The following ERGIC1 variants were observed in gnomAD, a reference collection of about 807,000 sequenced individuals.
ERGIC1 encodes the protein endoplasmic reticulum-Golgi intermediate compartment protein 1.
ERGIC1 carries 19 observed loss-of-function variants against 38.3 expected under a neutral mutation model. That is an observed-to-expected ratio of 0.50 (90% CI 0.35 to 0.73). ERGIC1 has a LOEUF of 0.73. Ranked by LOEUF, ERGIC1 falls within the 30% of genes least tolerant of loss-of-function variation. The pLI is 0.01. For missense variants in ERGIC1, 294 were observed against 389.2 expected, an observed-to-expected ratio of 0.76 and a Z score of 2.06; for synonymous variants, 124 against 157.6, an observed-to-expected ratio of 0.79 and a Z score of 1.60.
chr5:172,873,857 C>A (rs1449989966), intron 1 of ERGIC1, among the ~76,000 whole-genome samples: 1 of 152,214 alleles, frequency 6.6e-6, no homozygotes, highest in Non-Finnish European at 1.5e-5. Flanking sequence ...AAATGCCAGT[C>A]CCCTTTCCCG....
At chr5:172,836,158 G>T (rs1761031427) in intron 1 of ERGIC1, among the ~76,000 whole-genome samples, 1 of 152,198 alleles carries the variant, frequency 6.6e-6, no homozygotes, top group South Asian at 2.1e-4. Context: ...CCTTATCTTG[G>T]ACTTTATGGG....
intron 9 of ERGIC1, among the ~76,000 whole-genome samples, chr5:172,944,126 G>A (rs1764068752): frequency 6.6e-6 from 1 of 152,220 alleles, no homozygotes; most frequent in South Asian, 2.1e-4. Flanking sequence ...AATTGTCCTT[G>A]TTTTTGTTTC....
chr5:172,874,542 C>G (rs928044539), intron 1 of ERGIC1, among the ~76,000 whole-genome samples: 1 of 152,160 alleles, frequency 6.6e-6, no homozygotes, highest in African/African-American at 2.4e-5. Flanking sequence ...AGATGGGGTT[C>G]CAGCTCTCTG....
chr5:172,942,746 G>C (rs924716350), intron 9 of ERGIC1, among the ~76,000 whole-genome samples: 10 of 152,208 alleles, frequency 6.6e-5, no homozygotes, highest in Admixed American at 1.3e-4. Context: ...CTCCTGGCGC[G>C]TGCGTTCCCA....
At chr5:172,900,726 A>ACC (rs5873344) in intron 3 of ERGIC1, among the ~76,000 whole-genome samples, 2 of 149,122 alleles carry the variant, frequency 1.3e-5, no homozygotes, top group Non-Finnish European at 1.5e-5. Context: ...AAAAAACAAA[A>ACC]AAAAACATGA....
intron 1 of ERGIC1, among the ~76,000 whole-genome samples, chr5:172,867,812 A>G (rs1204104892): frequency 6.6e-6 from 1 of 152,208 alleles, no homozygotes. Flanking sequence ...CTTCACAGTG[A>G]GCAGTTGACC....
intron 8 of ERGIC1, chr5:172,934,950 C>T (rs1029193157): frequency 7.4e-6 from 4 of 543,862 alleles, no homozygotes; most frequent in South Asian, 4.7e-5. Flanking sequence ...GTGCTGCTTG[C>T]AGCTCACTTG....
At chr5:172,885,191 A>G (rs563778521) in intron 1 of ERGIC1, among the ~76,000 whole-genome samples, 4 of 152,158 alleles carry the variant, frequency 2.6e-5, no homozygotes, top group African/African-American at 9.6e-5. Flanking sequence ...GTACATTGGC[A>G]CCATCTTAGC....
At chr5:172,931,857 CT>C (rs375589121) in intron 7 of ERGIC1, among the ~76,000 whole-genome samples, 2,385 of 123,014 alleles carry the variant, frequency 0.019, 21 homozygotes, top group South Asian at 0.046. Context: ...AGCACCCACA[CT>C]TTTTTTTTTT....
At chr5:172,852,525 GC>G (rs1186547760) in intron 1 of ERGIC1, among the ~76,000 whole-genome samples, 4 of 152,204 alleles carry the variant, frequency 2.6e-5, no homozygotes, top group Non-Finnish European at 5.9e-5. Context: ...GATCTCCAGA[GC>G]CCCTCATAGG....
intron 1 of ERGIC1, among the ~76,000 whole-genome samples, chr5:172,867,819 G>C (rs1209975167): frequency 6.6e-6 from 1 of 152,220 alleles, no homozygotes; most frequent in East Asian, 1.9e-4. Context: ...GTGAGCAGTT[G>C]ACCTTTTTTG....
intron 1 of ERGIC1, among the ~76,000 whole-genome samples, chr5:172,859,774 A>C (rs1761650934): frequency 6.6e-6 from 1 of 152,230 alleles, no homozygotes; most frequent in African/African-American, 2.4e-5. Flanking sequence ...AGCTGTACAC[A>C]GTGGCCTTGG....
Position 172,834,579 on chromosome 5 carries a change from A to ACCC in ERGIC1, c.20+146_20+147insCCC. The ACCC allele has an allele frequency of 1.8e-6, 1 of 542,224 alleles. No homozygotes were observed. Among genetic ancestry groups the ACCC allele is most frequent in the Non-Finnish European group, 2.3e-6 (1 of 434,570 alleles). The allele number at this position is 542,224 out of a possible 1,614,324, so 33.6% of individuals were successfully genotyped here. A position where few individuals can be genotyped will look rare whatever the true frequency, so the allele number is the denominator to read the frequency against. On this transcript the variant is annotated intron_variant, in intron 1 of 9. Transcript: ENST00000393784. The surrounding 1 kb of genome is among the most constrained non-coding windows in gnomAD (Gnocchi z 4.1). ...CGCAGGCCCCTAGGGACCCCAGGCG[A>ACCC]GCCCCCCCCCTGCCGCACACGAAGC... is the stretch of plus-strand genomic sequence containing the variant.
At chr5:172,886,194 C>T (rs1035951748) in intron 1 of ERGIC1, among the ~76,000 whole-genome samples, 8 of 152,124 alleles carry the variant, frequency 5.3e-5, no homozygotes, top group African/African-American at 1.7e-4. Context: ...CCTCCAGCCC[C>T]GCCCCAGTTT....
In ERGIC1 at chr5:172,869,175, A is replaced by T. The variant is rs1158971027; in HGVS notation, c.21-19524A>T. The stretch of plus-strand genomic sequence containing the variant: ...GCATGCCAGGGCTCTGCCAGTGTAT[A>T]GACAGATCTTCCCCCCTGGGGAGGA... On this transcript the variant is annotated intron_variant, in intron 1 of 9. Transcript: ENST00000393784. Among the ~76,000 whole-genome samples, 7 of 152,238 alleles carry T rather than the reference A, an allele frequency of 4.6e-5. No individual in the cohort carries two copies. The South Asian group carries it at 1.4e-3, about 32-fold the overall frequency.
intron 1 of ERGIC1, among the ~76,000 whole-genome samples, chr5:172,872,135 C>T (rs951630079): frequency 4.6e-5 from 7 of 152,228 alleles, no homozygotes; most frequent in East Asian, 1.9e-4. Context: ...AGCTTGGCCA[C>T]GAGATAGAGT....
intron 4 of ERGIC1, among the ~76,000 whole-genome samples, chr5:172,911,401 C>T (rs1763205775): frequency 6.6e-6 from 1 of 151,972 alleles, no homozygotes; most frequent in African/African-American, 2.4e-5. Context: ...AGGACTGGGA[C>T]TAGTGTGGTA....
intron 1 of ERGIC1, among the ~76,000 whole-genome samples, chr5:172,879,395 C>T (rs780743315): frequency 9.2e-5 from 14 of 152,156 alleles, no homozygotes; most frequent in African/African-American, 2.4e-4. Flanking sequence ...CTTTTAGCAC[C>T]GACCTTCCTG....
intron 5 of ERGIC1, chr5:172,915,446 G>C (rs1435269765): frequency 2.4e-6 from 1 of 412,408 alleles, no homozygotes; most frequent in Non-Finnish European, 5.1e-6. Context: ...AGGGGAGTGA[G>C]ATGAGGTGGG....
Sources: gnomAD v4.1 joint callset for allele counts (sites outside exome capture counted in the v4.1 genomes callset) on GRCh38, gnomAD v4.1.1 for gene constraint, Gnocchi (gnomAD v3.1) non-coding constraint, MANE v1.5 for transcripts, NCBI Gene and HGNC (gene_info 2026-07-23, HGNC 2026-07-21) for gene names.